Variants in TRIM54 observed in about 807,000 individuals in gnomAD.
TRIM54 encodes the protein tripartite motif containing 54.
TRIM54 carries 40 observed loss-of-function variants against 42.0 expected under a neutral mutation model. That is an observed-to-expected ratio of 0.95 (90% CI 0.74 to 1.24). The LOEUF (loss-of-function observed/expected upper bound fraction) is 1.24. Ranked by LOEUF, TRIM54 falls within the 50% of genes most tolerant of loss-of-function variation. The pLI is 0.00. For synonymous variants in TRIM54, 199 were observed against 194.9 expected (o/e 1.02, Z -0.17); for missense variants, 485 against 480.3 (o/e 1.01, Z -0.09).
chr2:27,306,740 C>G lies in TRIM54; in HGVS notation c.*2-147C>G. 1 of 612,696 alleles carries G rather than the reference C, an allele frequency of 1.6e-6. No individual in the cohort carries two copies. Among genetic ancestry groups the G allele is most frequent in the Non-Finnish European group, 2.8e-6 (1 of 353,216 alleles). 38.0% of individuals were successfully genotyped at this position (612,696 alleles called of 1,614,324 possible). A position where few individuals can be genotyped will look rare whatever the true frequency, so the allele number is the denominator to read the frequency against. On this transcript the variant is annotated intron_variant, in intron 8 of 8. Transcript: ENST00000380075. This position sits in a 1 kb window ranked among gnomAD's most constrained non-coding sequence, Gnocchi z 6.1. ...GCGGAAAAGTACACTTTCCTCCTCA[C>G]CCGCTGTTCCTCTGGGGTGCTGGGA... is the stretch of plus-strand genomic sequence containing the variant.
chr2:27,283,223 T>C (rs1283056282), intron 1 of TRIM54, among the ~76,000 whole-genome samples: 1 of 152,180 alleles, frequency 6.6e-6, no homozygotes, highest in East Asian at 1.9e-4. Flanking sequence ...TGCCAGACTC[T>C]GCATTCCAGT....
In TRIM54 at chr2:27,307,213, CG is replaced by C; in HGVS notation, c.*331del. ...AGGGCCGAGGGCGGGGCGGTGGTGC[CG>C]GGACCTCTGAGGTCCTGGGGATTTG... is the stretch of plus-strand genomic sequence containing the variant. On this transcript the variant is annotated 3_prime_UTR_variant, in exon 9 of 9. Coordinates refer to ENST00000380075, the MANE Select transcript of TRIM54 (RefSeq NM_187841.3). The surrounding 1 kb of genome is among the most constrained non-coding windows in gnomAD (Gnocchi z 6.9). 4.6e-6 allele frequency: 2 copies of C among 436,642 alleles called. No homozygotes were observed. The highest frequency in any genetic ancestry group is 4.8e-5 in the South Asian group (2 of 42,052). 27.0% of individuals were successfully genotyped at this position (436,642 alleles called of 1,614,324 possible). A position where few individuals can be genotyped will look rare whatever the true frequency, so the allele number is the denominator to read the frequency against.
intron 3 of TRIM54, among the ~76,000 whole-genome samples, chr2:27,300,094 A>C (rs1678988522): frequency 6.6e-6 from 1 of 152,138 alleles, no homozygotes. Context: ...CTACCACCTC[A>C]ATCTCCCAAG....
At chr2:27,301,805 C>T (rs1679044087) in intron 3 of TRIM54, among the ~76,000 whole-genome samples, 1 of 152,078 alleles carries the variant, frequency 6.6e-6, no homozygotes, top group African/African-American at 2.4e-5. Flanking sequence ...GATGGAGTTG[C>T]TCTGGTTCAA....
Position 27,307,434 on chromosome 2 carries a change from C to T in TRIM54, c.*549C>T. 1 of 1,576,208 alleles carries T rather than the reference C, an allele frequency of 6.3e-7. No homozygotes were observed. The highest frequency in any genetic ancestry group is 8.6e-7 in the Non-Finnish European group (1 of 1,162,354). ...GTACTTTTATTAAAAAATAGTCACG[C>T]AGACAGTGCCCTGGTGGCTCTGCCC... On this transcript the variant is annotated 3_prime_UTR_variant, in exon 9 of 9. Transcript: ENST00000380075. The surrounding 1 kb of genome is among the most constrained non-coding windows in gnomAD (Gnocchi z 6.9).
intron 3 of TRIM54, among the ~76,000 whole-genome samples, chr2:27,303,103 G>A (rs891703062): frequency 9.2e-5 from 14 of 152,136 alleles, no homozygotes; most frequent in African/African-American, 3.4e-4. Flanking sequence ...TGGGGGTGGG[G>A]AGGGGCGAAG....
intron 1 of TRIM54, among the ~76,000 whole-genome samples, chr2:27,294,922 A>C (rs1217853740): frequency 6.6e-6 from 1 of 150,526 alleles, no homozygotes; most frequent in Non-Finnish European, 1.5e-5. Flanking sequence ...AGTATTACCT[A>C]CTTCAGGGTT....
At chr2:27,285,074 G>A (rs1558581597) in intron 1 of TRIM54, among the ~76,000 whole-genome samples, 1 of 152,186 alleles carries the variant, frequency 6.6e-6, no homozygotes, top group Non-Finnish European at 1.5e-5. Flanking sequence ...TGTGGATCTG[G>A]AGTGGTGTAT....
Position 27,304,979 on chromosome 2 carries a change from C to T in TRIM54, c.534C>T (p.Ile178=), listed in dbSNP as rs777397957. 6.0e-5 allele frequency: 97 copies of T among 1,613,932 alleles called. No individual in the cohort carries two copies. The highest frequency in any genetic ancestry group is 7.7e-5 in the Non-Finnish European group (91 of 1,179,994). ...ATCAGAGTGAGCTCAGCGATGGCAT[C>T]GCGATGCTGGTGGCAGGCAATGACC... ...KRQKSELSDG[I]AMLVAGNDRV... Residue 178 remains isoleucine (I), a synonymous_variant, in exon 4 of 9, where the codon ATC becomes ATT. Transcript: ENST00000380075.
Position 27,287,407 on chromosome 2 carries a change from A to G in TRIM54, c.168+4508A>G, listed in dbSNP as rs140669593. On this transcript the variant is annotated intron_variant, in intron 1 of 8. Transcript: ENST00000380075. The stretch of plus-strand genomic sequence containing the variant: ...TTTTTGTAGAGACAAGGGTCTCTCT[A>G]TGTTGCCCAGGTTGTTCTCCAACTC... 4.3e-4 allele frequency among the ~76,000 whole-genome samples: 66 copies of G among 152,064 alleles called. No individual in the cohort carries two copies. The East Asian group carries it at 7.0e-3, about 16-fold the overall frequency.
chr2:27,306,296 A>G lies in TRIM54; in HGVS notation c.950A>G (p.Glu317Gly), dbSNP rs773447031. 2 of 1,614,120 alleles carry G rather than the reference A, an allele frequency of 1.2e-6. No homozygotes were observed. Among genetic ancestry groups the G allele is most frequent in the South Asian group, 2.2e-5 (2 of 91,080 alleles). The change falls in exon 7 of 9, where the codon GAG becomes GGG. Residue 317 changes from glutamate (E) to glycine (G), a missense_variant. Transcript: ENST00000380075. This position sits in a 1 kb window ranked among gnomAD's most constrained non-coding sequence, Gnocchi z 6.1. ...ESMEQFTVRV[E>G]HVAEMLRTID... The stretch of plus-strand genomic sequence containing the variant: ...ATGGAGCAATTCACCGTAAGGGTGG[A>G]GCACGTGGCCGAAATGCTGCGGACC...
chr2:27,302,385 G>T (rs555331805), intron 3 of TRIM54, among the ~76,000 whole-genome samples: 2 of 151,654 alleles, frequency 1.3e-5, no homozygotes, highest in East Asian at 2.0e-4. Flanking sequence ...GGCAGAGCTT[G>T]CAGTGAGCCA....
chr2:27,282,825 A>G lies in TRIM54; in HGVS notation c.94A>G (p.Met32Val). The G allele has an allele frequency of 6.2e-7, 1 of 1,614,074 alleles. No homozygotes were observed. Among genetic ancestry groups the G allele is most frequent in the East Asian group, 2.2e-5 (1 of 44,856 alleles). The part of the protein sequence containing the change: ...KQLICPICLE[M>V]FSKPVVILPC... The stretch of plus-strand genomic sequence containing the variant: ...GCTCATCTGCCCCATCTGCCTGGAG[A>G]TGTTCTCCAAACCAGTGGTGATCCT... Residue 32 changes from methionine (M) to valine (V), a missense_variant, in exon 1 of 9, where the codon ATG becomes GTG. Met to Val is a conservative substitution (Grantham distance 21). Coordinates refer to ENST00000380075, the MANE Select transcript of TRIM54 (RefSeq NM_187841.3).
At chr2:27,290,865 G>A (rs1318241320) in intron 1 of TRIM54, among the ~76,000 whole-genome samples, 3 of 152,102 alleles carry the variant, frequency 2.0e-5, no homozygotes, top group Non-Finnish European at 4.4e-5. Flanking sequence ...GCAACAATTT[G>A]ACCCATATAG....
chr2:27,283,486 G>T (rs1258114254), intron 1 of TRIM54, among the ~76,000 whole-genome samples: 1 of 151,926 alleles, frequency 6.6e-6, no homozygotes, highest in African/African-American at 2.4e-5. Context: ...TCAGTAAAGA[G>T]GCCTACTGGT....
intron 1 of TRIM54, among the ~76,000 whole-genome samples, chr2:27,283,776 A>ACGCGCGCG (rs1332749926): frequency 9.5e-6 from 1 of 105,398 alleles, no homozygotes; most frequent in African/African-American, 4.1e-5. Flanking sequence ...ACACACACAC[A>ACGCGCGCG]CACGCGCGCA....
At chr2:27,295,956 TA>T (rs1343792803) in intron 1 of TRIM54, among the ~76,000 whole-genome samples, 1 of 152,220 alleles carries the variant, frequency 6.6e-6, no homozygotes, top group African/African-American at 2.4e-5. Context: ...CATTTCTAGC[TA>T]CTGAGAAGGC....
chr2:27,287,710 G>T (rs1298958108), intron 1 of TRIM54, among the ~76,000 whole-genome samples: 6 of 151,980 alleles, frequency 3.9e-5, no homozygotes, highest in Admixed American at 3.9e-4. Context: ...AAATGTTTTT[G>T]TACAGACAAA....
chr2:27,283,784 G>GCACACA (rs3073589), intron 1 of TRIM54, among the ~76,000 whole-genome samples: 10,620 of 132,064 alleles, frequency 0.08, 554 homozygotes, highest in East Asian at 0.14. Context: ...ACACACGCGC[G>GCACACA]CACACACACA....
Sources: allele counts gnomAD v4.1 joint callset (sites outside exome capture counted in the v4.1 genomes callset), GRCh38; gene constraint gnomAD v4.1.1; non-coding constraint Gnocchi (gnomAD v3.1); transcripts MANE v1.5; gene names NCBI Gene and HGNC (gene_info 2026-07-23, HGNC 2026-07-21).